Variants in NUP153 observed in about 807,000 individuals in gnomAD.
NUP153 encodes nucleoporin 153.
In NUP153, 27 loss-of-function variants were observed where a neutral mutation model predicts 134.6. The observed-to-expected ratio is 0.20, with a 90% CI of 0.15 to 0.28. The LOEUF (loss-of-function observed/expected upper bound fraction) is 0.28. NUP153 is among the 10% of genes least tolerant of loss of function. NUP153 has a pLI of 1.00. For synonymous variants in NUP153, 640 were observed against 623.5 expected, an observed-to-expected ratio of 1.03 and a Z score of -0.40; for missense variants, 1,821 against 1,731.3, an observed-to-expected ratio of 1.05 and a Z score of -0.92.
intron 1 of NUP153, among the ~76,000 whole-genome samples, chr6:17,695,654 G>C (rs1769586887): frequency 6.6e-6 from 1 of 152,146 alleles, no homozygotes; most frequent in African/African-American, 2.4e-5. Flanking sequence ...TAAGACATTA[G>C]AAATTTTTAA....
chr6:17,662,406 C>T lies in NUP153; in HGVS notation c.1216-336G>A, dbSNP rs750560280. On this transcript the variant is annotated intron_variant, in intron 9 of 21. Transcript: ENST00000262077. ...ACCAAATATACAAAGCTATTCCTTT[C>T]GAAATAGCTCCCTACAACTTAAAGA... Among the ~76,000 whole-genome samples the T allele has an allele frequency of 5.9e-5, 9 of 152,190 alleles. No individual in the cohort carries two copies. In the South Asian group the frequency reaches 6.2e-4, roughly 11 times the overall value.
intron 1 of NUP153, 32 bp from the exon 2 acceptor site, chr6:17,688,650 T>G (rs907261789): frequency 6.5e-7 from 1 of 1,529,292 alleles, no homozygotes; most frequent in African/African-American, 1.4e-5. Context: ...TATGACAGTT[T>G]TAGAAATTTA....
intron 2 of NUP153, among the ~76,000 whole-genome samples, chr6:17,685,548 C>CAAA (rs71536744): frequency 8.1e-5 from 8 of 98,636 alleles, no homozygotes; most frequent in Admixed American, 2.1e-4. Context: ...GACTCCGTCT[C>CAAA]AAAAAAAAAA....
intron 1 of NUP153, among the ~76,000 whole-genome samples, chr6:17,698,450 TG>T (rs1203019526): frequency 1.3e-5 from 2 of 151,944 alleles, no homozygotes; most frequent in Non-Finnish European, 2.9e-5. Flanking sequence ...AAAAATTAGC[TG>T]GGAGCAGCCG....
intron 16 of NUP153, among the ~76,000 whole-genome samples, chr6:17,634,944 G>A (rs113716582): frequency 0.02 from 3,012 of 150,234 alleles, 106 homozygotes; most frequent in African/African-American, 0.07. Context: ...ACTAACACTA[G>A]CAACAGCTGA....
At chr6:17,683,640 G>A (rs1322114951) in intron 2 of NUP153, among the ~76,000 whole-genome samples, 1 of 152,112 alleles carries the variant, frequency 6.6e-6, no homozygotes, top group African/African-American at 2.4e-5. Flanking sequence ...AGTAGATTTA[G>A]CATAATTCTT....
chr6:17,646,732 T>C (rs559184354), intron 13 of NUP153, among the ~76,000 whole-genome samples: 3 of 151,732 alleles, frequency 2.0e-5, no homozygotes, highest in Non-Finnish European at 2.9e-5. Flanking sequence ...CTGAATGCCA[T>C]TTTCTTTCCT....
At chr6:17,691,694 G>A (rs1769283498) in intron 1 of NUP153, among the ~76,000 whole-genome samples, 1 of 151,948 alleles carries the variant, frequency 6.6e-6, no homozygotes, top group Non-Finnish European at 1.5e-5. Flanking sequence ...GAACGTGGGA[G>A]GCAGACGGGC....
rs781543430 is a variant in NUP153 at position 17,675,669 on chromosome 6, A to G, written c.436T>C (p.Leu146=). The G allele has an allele frequency of 3.1e-6, 5 of 1,614,180 alleles. No individual in the cohort carries two copies. The Admixed American group carries it at 8.3e-5, about 27-fold the overall frequency. ...LNFSMLESPA[L]HCQPSTSSAF... is the part of the protein sequence containing the mutation. ...GAGGATGTAGATGGCTGACAGTGTAATGCAGGGGATTCCAACATGGAAAAA... is the reference window on the plus strand; with the variant it reads ...GAGGATGTAGATGGCTGACAGTGTAGTGCAGGGGATTCCAACATGGAAAAA... The change falls in exon 3 of 22, where the codon TTA becomes CTA. Residue 146 remains leucine, a synonymous_variant. Coordinates refer to ENST00000262077, the MANE Select transcript of NUP153 (RefSeq NM_005124.4). The surrounding 1 kb of genome is among the most constrained non-coding windows in gnomAD (Gnocchi z 4.4).
intron 20 of NUP153, among the ~76,000 whole-genome samples, chr6:17,621,837 G>A (rs1764654824): frequency 6.6e-6 from 1 of 152,142 alleles, no homozygotes; most frequent in African/African-American, 2.4e-5. Context: ...GTTCTGAAAT[G>A]TTCCCAACAC....
chr6:17,667,586 C>T (rs959474958), intron 8 of NUP153, among the ~76,000 whole-genome samples: 1 of 152,080 alleles, frequency 6.6e-6, no homozygotes, highest in Non-Finnish European at 1.5e-5. Context: ...TGGTGATAGG[C>T]GCCTGTAGTC....
intron 16 of NUP153, among the ~76,000 whole-genome samples, chr6:17,635,728 A>G (rs1469776710): frequency 1.3e-5 from 2 of 152,088 alleles, no homozygotes; most frequent in African/African-American, 4.8e-5. Flanking sequence ...ACCACTTCCT[A>G]ATCTATCTTC....
chr6:17,632,422 T>C (rs1490703948), intron 17 of NUP153, among the ~76,000 whole-genome samples: 1 of 152,142 alleles, frequency 6.6e-6, no homozygotes, highest in South Asian at 2.1e-4. Flanking sequence ...CACAAGAAAT[T>C]TTTTTTCCCA....
intron 21 of NUP153, 109 bp from the exon 22 acceptor site, chr6:17,616,290 G>GGGGGGGGCCCC: frequency 2.1e-6 from 1 of 473,896 alleles, no homozygotes; most frequent in Admixed American, 3.2e-5. Flanking sequence ...GGTGGGGGGG[G>GGGGGGGGCCCC]AGTAGACTCA....
intron 13 of NUP153, 94 bp downstream of exon 13, chr6:17,647,711 CAG>C (rs2113797760): frequency 5.1e-6 from 4 of 790,460 alleles, no homozygotes; most frequent in East Asian, 5.0e-5. Context: ...AGAAAAATAA[CAG>C]TGTTTCTCAC....
In NUP153 at chr6:17,684,850, C is replaced by A. The variant is rs1312510070; in HGVS notation, c.334+3546G>T. Among the ~76,000 whole-genome samples, 5 of 152,288 alleles carry A rather than the reference C, an allele frequency of 3.3e-5. No homozygotes were observed. The East Asian group carries it at 9.6e-4, about 29-fold the overall frequency. On this transcript the variant is annotated intron_variant, in intron 2 of 21. Transcript: ENST00000262077. The stretch of plus-strand genomic sequence containing the variant: ...AAAGAGGGAGAAAAGAGGGGAATAG[C>A]CAGTTGGTGGAGCAGCTGGAACACA...
At chr6:17,701,846 A>ATGGG (rs1561916995) in intron 1 of NUP153, among the ~76,000 whole-genome samples, 2 of 65,642 alleles carry the variant, frequency 3.0e-5, no homozygotes, top group Non-Finnish European at 7.1e-5. Context: ...GGGGGGGGGA[A>ATGGG]AAAAGCTAAA....
intron 1 of NUP153, among the ~76,000 whole-genome samples, chr6:17,691,841 C>T (rs935456288): frequency 2.0e-4 from 30 of 151,966 alleles, no homozygotes; most frequent in Admixed American, 6.6e-5. Context: ...TTTCCAGAGA[C>T]CTGTGTCATA....
At chr6:17,649,682 A>G (rs954114503) in intron 11 of NUP153, among the ~76,000 whole-genome samples, 5 of 152,240 alleles carry the variant, frequency 3.3e-5, no homozygotes, top group African/African-American at 4.8e-5. Flanking sequence ...ATTATATACA[A>G]TAAGATATTT....
Sources: allele counts gnomAD v4.1 joint callset (sites outside exome capture counted in the v4.1 genomes callset), GRCh38; gene constraint gnomAD v4.1.1; non-coding constraint Gnocchi (gnomAD v3.1); transcripts MANE v1.5; gene names NCBI Gene and HGNC (gene_info 2026-07-23, HGNC 2026-07-21).